FGF12: variants seen among roughly 807,000 people sequenced by gnomAD.
FGF12 encodes the protein fibroblast growth factor 12.
FGF12 carries 14 observed loss-of-function variants against 23.6 expected under a neutral mutation model. The observed-to-expected ratio is 0.59, with a 90% CI of 0.39 to 0.93. The LOEUF is 0.93. Among genes scored for constraint, FGF12 ranks in the 40% least tolerant of loss-of-function variants. The probability of loss-of-function intolerance (pLI) is 0.00; values close to 1 mark genes in which losing one functional copy is unlikely to be tolerated. For synonymous variants in FGF12, 62 were observed against 77.3 expected (o/e 0.80, Z 1.04); for missense variants, 175 against 217.8 (o/e 0.80, Z 1.24).
At chr3:192,311,577 G>A (rs1367173503) in intron 4 of FGF12, among the ~76,000 whole-genome samples, 2 of 152,002 alleles carry the variant, frequency 1.3e-5, no homozygotes, top group Admixed American at 6.6e-5. Context: ...CTACTTTTAG[G>A]CTGTTATGAA....
chr3:192,170,075 T>A (rs1715460344), intron 5 of FGF12, among the ~76,000 whole-genome samples: 1 of 147,200 alleles, frequency 6.8e-6, no homozygotes, highest in South Asian at 2.2e-4. Context: ...CTTTCAAAAT[T>A]TTTCCGGCTT....
intron 2 of FGF12, among the ~76,000 whole-genome samples, chr3:192,484,589 G>A (rs1437571409): frequency 6.6e-6 from 1 of 152,108 alleles, no homozygotes; most frequent in East Asian, 1.9e-4. Context: ...TTAAACTGTT[G>A]CCAAAGTGAA....
At chr3:192,493,592 T>C (rs1359327222) in intron 2 of FGF12, among the ~76,000 whole-genome samples, 1 of 152,086 alleles carries the variant, frequency 6.6e-6, no homozygotes, top group Admixed American at 6.6e-5. Flanking sequence ...TTCTACAGAC[T>C]GTACAGGAAG....
chr3:192,687,693 C>T (rs1004193338), intron 2 of FGF12, among the ~76,000 whole-genome samples: 1 of 152,042 alleles, frequency 6.6e-6, no homozygotes, highest in Non-Finnish European at 1.5e-5. Flanking sequence ...GCAGGCCCCA[C>T]CCCCCAGCTC....
At chr3:192,509,017 T>A (rs1724393934) in intron 2 of FGF12, among the ~76,000 whole-genome samples, 1 of 152,102 alleles carries the variant, frequency 6.6e-6, no homozygotes, top group South Asian at 2.1e-4. Context: ...CCCTGCTGAG[T>A]CTCTATTGCC....
At chr3:192,207,886 C>T (rs920656481) in intron 4 of FGF12, among the ~76,000 whole-genome samples, 6 of 152,122 alleles carry the variant, frequency 3.9e-5, no homozygotes, top group Non-Finnish European at 8.8e-5. Flanking sequence ...AGTGGAGGTG[C>T]CTGCAGGACA....
intron 2 of FGF12, among the ~76,000 whole-genome samples, chr3:192,693,257 C>A (rs1718003153): frequency 6.6e-6 from 1 of 151,480 alleles, no homozygotes; most frequent in Admixed American, 6.6e-5. Flanking sequence ...ATACTGAAAA[C>A]CATAAGGTGA....
intron 2 of FGF12, among the ~76,000 whole-genome samples, chr3:192,369,610 T>C (rs1351521043): frequency 6.6e-6 from 1 of 152,242 alleles, no homozygotes; most frequent in Non-Finnish European, 1.5e-5. Context: ...ACAAGGTTTT[T>C]GTACTGAGCC....
chr3:192,378,909 C>T (rs1445584027), intron 2 of FGF12, among the ~76,000 whole-genome samples: 9 of 152,130 alleles, frequency 5.9e-5, no homozygotes, highest in African/African-American at 1.4e-4. Context: ...CTCCCTCCTC[C>T]GAACCTCCAC....
intron 4 of FGF12, among the ~76,000 whole-genome samples, chr3:192,306,021 C>T (rs1018323304): frequency 6.6e-6 from 1 of 151,584 alleles, no homozygotes. Flanking sequence ...CCAACACACC[C>T]GGCTAATTTT....
chr3:192,421,626 A>C (rs2222635), intron 2 of FGF12, among the ~76,000 whole-genome samples: 131,590 of 151,984 alleles, frequency 0.87, 57,330 homozygotes, highest in African/African-American at 0.95. Context: ...ACAATAAGAA[A>C]ACATGGACAT....
intron 2 of FGF12, among the ~76,000 whole-genome samples, chr3:192,405,230 T>C (rs1160966962): frequency 6.6e-6 from 1 of 151,178 alleles, no homozygotes; most frequent in African/African-American, 2.5e-5. Flanking sequence ...CATGTTTTCA[T>C]TCTGTGTTAC....
chr3:192,325,879 A>G (rs1346292804), intron 4 of FGF12, among the ~76,000 whole-genome samples: 2 of 152,196 alleles, frequency 1.3e-5, no homozygotes, highest in Admixed American at 6.5e-5. Context: ...CATGAACACT[A>G]AGATTCCTCG....
chr3:192,479,706 T>C (rs1026432264), intron 2 of FGF12, among the ~76,000 whole-genome samples: 1 of 152,182 alleles, frequency 6.6e-6, no homozygotes, highest in Non-Finnish European at 1.5e-5. Context: ...CCAGTTCATT[T>C]GGTCCATTTT....
chr3:192,244,513 G>GTAA (rs758420205), intron 4 of FGF12, among the ~76,000 whole-genome samples: 1 of 151,940 alleles, frequency 6.6e-6, no homozygotes, highest in Non-Finnish European at 1.5e-5. Flanking sequence ...TAAGCAAAAA[G>GTAA]TAATAATAAT....
chr3:192,461,467 G>A (rs1472299649), intron 2 of FGF12, among the ~76,000 whole-genome samples: 1 of 152,154 alleles, frequency 6.6e-6, no homozygotes, highest in African/African-American at 2.4e-5. Context: ...GATTAATAGT[G>A]ACTGGAATTC....
At chr3:192,560,164 G>A (rs930433696) in intron 2 of FGF12, among the ~76,000 whole-genome samples, 1 of 151,894 alleles carries the variant, frequency 6.6e-6, no homozygotes, top group African/African-American at 2.4e-5. Context: ...AGGCACATTA[G>A]ATAATTTCTG....
chr3:192,482,612 C>T (rs1445705291), intron 2 of FGF12, among the ~76,000 whole-genome samples: 1 of 151,998 alleles, frequency 6.6e-6, no homozygotes, highest in Non-Finnish European at 1.5e-5. Flanking sequence ...CCAGCCTGGG[C>T]AACAAAACGG....
chr3:192,393,142 T>A (rs1720379796), intron 2 of FGF12, among the ~76,000 whole-genome samples: 1 of 152,222 alleles, frequency 6.6e-6, no homozygotes, highest in South Asian at 2.1e-4. Flanking sequence ...TAGGCCTATG[T>A]CATTGGTAAG....
Sources: allele counts gnomAD v4.1 joint callset (sites outside exome capture counted in the v4.1 genomes callset), GRCh38; gene constraint gnomAD v4.1.1; transcripts MANE v1.5; gene names NCBI Gene and HGNC (gene_info 2026-07-23, HGNC 2026-07-21).